The following CDK14 variants were observed in gnomAD, a reference collection of about 807,000 sequenced individuals.
The protein encoded by CDK14 is cyclin-dependent kinase 14.
A neutral mutation model predicts 60.7 loss-of-function variants in CDK14; 34 were observed. That is an observed-to-expected ratio of 0.56 (90% confidence interval 0.43 to 0.75). The LOEUF (loss-of-function observed/expected upper bound fraction) is 0.75. Ranked by LOEUF, CDK14 falls within the 30% of genes least tolerant of loss-of-function variation. The pLI is 0.00. For missense variants in CDK14, 482 were observed against 564.1 expected (o/e 0.85, Z 1.47); for synonymous variants, 197 against 203.7 (o/e 0.97, Z 0.28).
Position 90,990,952 on chromosome 7 carries a change from G to C in CDK14, c.1041+6711G>C, listed in dbSNP as rs950100391. Among the ~76,000 whole-genome samples the C allele has an allele frequency of 6.6e-5, 10 of 152,262 alleles. No homozygotes were observed. In the East Asian group the frequency reaches 1.9e-3, roughly 29 times the overall value. On this transcript the variant is annotated intron_variant, in intron 10 of 14. Coordinates refer to ENST00000380050, the MANE Select transcript of CDK14 (RefSeq NM_001287135.2). ...CTATGGTGGTAAACCAACAAACATA[G>C]CCCCTACTTGCTTCGAGAATATGGT...
chr7:91,134,405 G>A lies in CDK14; in HGVS notation c.*28+16197G>A, dbSNP rs112645535. 3.7e-3 allele frequency among the ~76,000 whole-genome samples: 566 copies of A among 152,186 alleles called. 4 individuals carry two copies. Among genetic ancestry groups the A allele is most frequent in the African/African-American group, 0.012 (493 of 41,538 alleles). The stretch of plus-strand genomic sequence containing the variant: ...TACAGTCCTCAGAGGTCCACTGCCC[G>A]CTTGCCCAGACCTGAACTATTTGCA... On this transcript the variant is annotated intron_variant, in intron 14 of 14. Transcript: ENST00000380050.
intron 5 of CDK14, among the ~76,000 whole-genome samples, chr7:90,852,846 G>C (rs945482722): frequency 2.0e-5 from 3 of 152,182 alleles, no homozygotes; most frequent in Admixed American, 2.0e-4. Context: ...GCTTGTCCAG[G>C]CCTAGGAGGA....
At chr7:90,952,454 C>T (rs17478103) in intron 8 of CDK14, among the ~76,000 whole-genome samples, 23,528 of 152,164 alleles carry the variant, frequency 0.15, 2,080 homozygotes, top group Middle Eastern at 0.27. Flanking sequence ...AACTTTGAAT[C>T]ATTGGCAGTA....
chr7:90,632,817 G>A (rs959676244), intron 2 of CDK14, among the ~76,000 whole-genome samples: 3 of 152,092 alleles, frequency 2.0e-5, no homozygotes, highest in Non-Finnish European at 2.9e-5. Flanking sequence ...GGCTGGGCAC[G>A]GTGGCTCACA....
chr7:91,065,691 A>G (rs1440924055), intron 11 of CDK14, among the ~76,000 whole-genome samples: 1 of 152,216 alleles, frequency 6.6e-6, no homozygotes. Flanking sequence ...GCTTTCTTCT[A>G]TTGAAGGCCT....
At chr7:90,786,278 C>T (rs952985160) in intron 4 of CDK14, among the ~76,000 whole-genome samples, 18 of 152,166 alleles carry the variant, frequency 1.2e-4, no homozygotes, top group Non-Finnish European at 2.2e-4. Flanking sequence ...TTTTTATTTA[C>T]CTGAATTAAC....
At chr7:91,008,127 C>CAAAA (rs56082719) in intron 10 of CDK14, among the ~76,000 whole-genome samples, 1,883 of 62,356 alleles carry the variant, frequency 0.03, 217 homozygotes, top group Non-Finnish European at 0.039. Context: ...GGGAGAAGGC[C>CAAAA]AAAAAAAAAA....
At chr7:90,883,057 C>G (rs1791815029) in intron 6 of CDK14, among the ~76,000 whole-genome samples, 1 of 151,226 alleles carries the variant, frequency 6.6e-6, no homozygotes, top group African/African-American at 2.4e-5. Flanking sequence ...GCAAATGAAT[C>G]CAAAAGCTAG....
intron 14 of CDK14, among the ~76,000 whole-genome samples, chr7:91,184,900 A>G (rs957745195): frequency 6.6e-5 from 10 of 151,874 alleles, no homozygotes; most frequent in African/African-American, 1.7e-4. Flanking sequence ...GGGGTCGGTC[A>G]TGGGTGAGGT....
intron 2 of CDK14, among the ~76,000 whole-genome samples, chr7:90,690,009 A>G (rs931616133): frequency 2.6e-5 from 4 of 152,166 alleles, no homozygotes; most frequent in Admixed American, 6.6e-5. Flanking sequence ...ACTAACTACT[A>G]TATTGATGCT....
chr7:91,207,166 ATTAAG>A lies in CDK14; in HGVS notation c.*33_*37del, dbSNP rs1416874329. The stretch of plus-strand genomic sequence containing the variant: ...AATTTTCTATTTTCCTCCTTCCAGG[ATTAAG>A]TTGTCATCATTCTGGGAAGAAAAAA... On this transcript the variant is annotated splice_region_variant and 3_prime_UTR_variant, in exon 15 of 15. Transcript: ENST00000380050. 3 of 151,986 alleles carry A rather than the reference ATTAAG, an allele frequency of 2.0e-5. No individual in the cohort carries two copies. The highest frequency in any genetic ancestry group is 7.3e-5 in the African/African-American group (3 of 41,372). 9.4% of individuals were successfully genotyped at this position (151,986 alleles called of 1,614,324 possible).
chr7:90,868,385 G>T (rs1483550930), intron 6 of CDK14, among the ~76,000 whole-genome samples: 1 of 151,710 alleles, frequency 6.6e-6, no homozygotes, highest in African/African-American at 2.4e-5. Context: ...CTTGATTGTG[G>T]TGATGGTATT....
At chr7:90,901,501 T>C (rs1274348622) in intron 7 of CDK14, among the ~76,000 whole-genome samples, 1 of 152,114 alleles carries the variant, frequency 6.6e-6, no homozygotes, top group Non-Finnish European at 1.5e-5. Flanking sequence ...AATGTATTCA[T>C]CTATGGGGAT....
intron 10 of CDK14, among the ~76,000 whole-genome samples, chr7:91,019,327 C>T (rs1445787216): frequency 6.6e-6 from 1 of 152,170 alleles, no homozygotes. Flanking sequence ...TAACGTTAAG[C>T]TTTAGCACTC....
intron 5 of CDK14, among the ~76,000 whole-genome samples, chr7:90,812,431 C>T (rs1355955360): frequency 6.6e-6 from 1 of 151,600 alleles, no homozygotes; most frequent in Admixed American, 6.6e-5. Context: ...AACACGTGGA[C>T]ACAGGAAGGG....
At position 90,818,502 on chromosome 7, in the gene CDK14, A is replaced by G. The variant is rs573761746; in HGVS notation, c.544+27850A>G. Among the ~76,000 whole-genome samples the G allele has an allele frequency of 2.6e-5, 4 of 152,328 alleles. No homozygotes were observed. In the South Asian group the frequency reaches 8.3e-4, roughly 32 times the overall value. ...CACTGGCAGTTTAGTTACAACTTGAATAACTATACTTCTGGATACTTCTTA... is the reference window on the plus strand; with the variant it reads ...CACTGGCAGTTTAGTTACAACTTGAGTAACTATACTTCTGGATACTTCTTA... On this transcript the variant is annotated intron_variant, in intron 5 of 14. Coordinates refer to ENST00000380050, the MANE Select transcript of CDK14 (RefSeq NM_001287135.2).
At chr7:91,192,842 T>A (rs1392099074) in intron 14 of CDK14, among the ~76,000 whole-genome samples, 1 of 152,100 alleles carries the variant, frequency 6.6e-6, no homozygotes, top group Non-Finnish European at 1.5e-5. Context: ...TCTACTTAGC[T>A]CCCCAAACTC....
chr7:90,944,937 C>T (rs1794056305), intron 8 of CDK14, among the ~76,000 whole-genome samples: 1 of 151,952 alleles, frequency 6.6e-6, no homozygotes, highest in African/African-American at 2.4e-5. Flanking sequence ...AGGCCTTGGC[C>T]CTGAGCATAA....
chr7:91,093,049 C>T (rs1365252252), intron 12 of CDK14, among the ~76,000 whole-genome samples: 3 of 152,178 alleles, frequency 2.0e-5, no homozygotes, highest in Non-Finnish European at 2.9e-5. Context: ...TGCATACTAA[C>T]TTTAGCACCT....
Sources: allele counts gnomAD v4.1 joint callset (sites outside exome capture counted in the v4.1 genomes callset), GRCh38; gene constraint gnomAD v4.1.1; transcripts MANE v1.5; gene names NCBI Gene and HGNC (gene_info 2026-07-23, HGNC 2026-07-21).